The following COL8A1 variants were observed in gnomAD, a reference collection of about 807,000 sequenced individuals.
The protein encoded by COL8A1 is collagen type VIII alpha 1 chain.
COL8A1 carries 21 observed loss-of-function variants against 42.7 expected under a neutral mutation model. That is an observed-to-expected ratio of 0.49 (90% CI 0.35 to 0.71). The LOEUF is 0.71. Ranked by LOEUF, COL8A1 falls within the 30% of genes least tolerant of loss-of-function variation. The probability of loss-of-function intolerance (pLI) is 0.01; values close to 1 mark genes in which losing one functional copy is unlikely to be tolerated. For synonymous variants in COL8A1, 367 were observed against 369.1 expected (o/e 0.99, Z 0.06); for missense variants, 788 against 962.4 (o/e 0.82, Z 2.40).
chr3:99,761,796 C>T (rs1941370268), intron 2 of COL8A1, among the ~76,000 whole-genome samples: 1 of 152,202 alleles, frequency 6.6e-6, no homozygotes, highest in African/African-American at 2.4e-5. Context: ...GACACCCTCT[C>T]ATATCTAGTT....
At chr3:99,720,711 G>A (rs1009028904) in intron 1 of COL8A1, among the ~76,000 whole-genome samples, 1 of 152,100 alleles carries the variant, frequency 6.6e-6, no homozygotes, top group African/African-American at 2.4e-5. Context: ...GCTCATCATA[G>A]CAAAATGAGC....
intron 1 of COL8A1, among the ~76,000 whole-genome samples, chr3:99,648,801 C>A (rs547547793): frequency 6.6e-6 from 1 of 152,248 alleles, no homozygotes; most frequent in African/African-American, 2.4e-5. Flanking sequence ...TTTGGCACGA[C>A]TTTTACCATA....
chr3:99,660,538 T>C (rs573938642), intron 1 of COL8A1, among the ~76,000 whole-genome samples: 94 of 152,250 alleles, frequency 6.2e-4, no homozygotes, highest in African/African-American at 2.1e-3. Flanking sequence ...GGGCTGGCAA[T>C]AGGTAGAAGG....
At chr3:99,746,458 T>C (rs188467287) in intron 2 of COL8A1, among the ~76,000 whole-genome samples, 120 of 152,272 alleles carry the variant, frequency 7.9e-4, no homozygotes, top group Admixed American at 1.6e-3. Flanking sequence ...CAACCAGTGA[T>C]AGGCTCGGCT....
chr3:99,699,824 G>T (rs564843636), intron 1 of COL8A1, among the ~76,000 whole-genome samples: 1 of 151,714 alleles, frequency 6.6e-6, no homozygotes, highest in Non-Finnish European at 1.5e-5. Context: ...CACATACACA[G>T]ACACAGACAC....
chr3:99,688,307 T>C (rs1357172697), intron 1 of COL8A1, among the ~76,000 whole-genome samples: 6 of 151,588 alleles, frequency 4.0e-5, no homozygotes, highest in Non-Finnish European at 7.4e-5. Context: ...AAGGTGTCAA[T>C]AGGGCTGCAT....
At chr3:99,723,133 G>A (rs563057996) in intron 1 of COL8A1, among the ~76,000 whole-genome samples, 1 of 152,042 alleles carries the variant, frequency 6.6e-6, no homozygotes, top group Admixed American at 6.6e-5. Context: ...CTATTGGTGA[G>A]TAGTATTCTG....
intron 1 of COL8A1, among the ~76,000 whole-genome samples, chr3:99,652,104 A>T (rs181276267): frequency 1.1e-3 from 161 of 152,342 alleles, no homozygotes; most frequent in African/African-American, 3.7e-3. Flanking sequence ...TGTTTAAATC[A>T]CATTTGAATA....
intron 1 of COL8A1, among the ~76,000 whole-genome samples, chr3:99,733,645 G>T (rs913480147): frequency 6.6e-6 from 1 of 151,814 alleles, no homozygotes; most frequent in Non-Finnish European, 1.5e-5. Flanking sequence ...ATGATTTATA[G>T]TCCTTTGGGT....
chr3:99,721,648 C>G (rs1013151480), intron 1 of COL8A1, among the ~76,000 whole-genome samples: 1 of 152,052 alleles, frequency 6.6e-6, no homozygotes, highest in Non-Finnish European at 1.5e-5. Context: ...AATTTTATAA[C>G]AATTATTCAT....
At position 99,790,875 on chromosome 3, in the gene COL8A1, A is replaced by C; in HGVS notation, c.193A>C (p.Lys65Gln). 2.5e-6 allele frequency: 4 copies of C among 1,614,258 alleles called. No individual in the cohort carries two copies. Among genetic ancestry groups the C allele is most frequent in the Non-Finnish European group, 3.4e-6 (4 of 1,180,036 alleles). The change falls in exon 3 of 4, where the codon AAA becomes CAA. Residue 65 changes from lysine to glutamine, a missense_variant. By Grantham distance (53) the Lys-to-Gln change is moderately conservative (BLOSUM62 1). Coordinates refer to ENST00000652472, the MANE Select transcript of COL8A1 (RefSeq NM_020351.4). ...GCAAGTACCTCACATGCCTTTGGCCAAAGATGGCCTTGCCATGGGCAAGGA... is the reference window on the plus strand; with the variant it reads ...GCAAGTACCTCACATGCCTTTGGCCCAAGATGGCCTTGCCATGGGCAAGGA... The part of the protein sequence containing the change: ...GQQVPHMPLA[K>Q]DGLAMGKEMP...
At chr3:99,679,106 T>C (rs1224276860) in intron 1 of COL8A1, 13 of 152,218 alleles carry the variant, frequency 8.5e-5, no homozygotes, top group Non-Finnish European at 1.8e-4. Context: ...CTTTCAGAGC[T>C]TGAGAAAAAT....
At chr3:99,642,660 C>T (rs1452899169) in intron 1 of COL8A1, among the ~76,000 whole-genome samples, 1 of 152,156 alleles carries the variant, frequency 6.6e-6, no homozygotes, top group Non-Finnish European at 1.5e-5. Flanking sequence ...TGTGCAGATG[C>T]AGTCATAGTC....
chr3:99,686,263 C>T (rs1939048425), intron 1 of COL8A1, among the ~76,000 whole-genome samples: 1 of 152,170 alleles, frequency 6.6e-6, no homozygotes, highest in African/African-American at 2.4e-5. Flanking sequence ...CTACAATACA[C>T]TATGTAATAC....
At chr3:99,706,900 G>A (rs1939694032) in intron 1 of COL8A1, among the ~76,000 whole-genome samples, 1 of 152,148 alleles carries the variant, frequency 6.6e-6, no homozygotes, top group African/African-American at 2.4e-5. Context: ...AAGTAAAGGA[G>A]CTACACCAAT....
At chr3:99,718,791 C>T (rs888003547) in intron 1 of COL8A1, among the ~76,000 whole-genome samples, 7 of 151,998 alleles carry the variant, frequency 4.6e-5, no homozygotes, top group Non-Finnish European at 5.9e-5. Flanking sequence ...TGCATACTTA[C>T]GTGTACCAGA....
chr3:99,661,551 A>C (rs1218274940), intron 1 of COL8A1, among the ~76,000 whole-genome samples: 1 of 152,214 alleles, frequency 6.6e-6, no homozygotes, highest in African/African-American at 2.4e-5. Flanking sequence ...GCTACGAAAG[A>C]CATTATGGCA....
At chr3:99,778,468 T>A (rs114066988) in intron 2 of COL8A1, among the ~76,000 whole-genome samples, 1 of 152,322 alleles carries the variant, frequency 6.6e-6, no homozygotes, top group African/African-American at 2.4e-5. Context: ...TACGATCTTG[T>A]CATTCAGCTC....
chr3:99,678,580 T>A (rs1054594441), intron 1 of COL8A1: 1 of 151,718 alleles, frequency 6.6e-6, no homozygotes, highest in African/African-American at 2.4e-5. Context: ...TTTTCTGGGT[T>A]GTTTGTTGTT....
Sources: gnomAD v4.1 joint callset for allele counts (sites outside exome capture counted in the v4.1 genomes callset) on GRCh38, gnomAD v4.1.1 for gene constraint, MANE v1.5 for transcripts, NCBI Gene and HGNC (gene_info 2026-07-23, HGNC 2026-07-21) for gene names.